Variants in PDE4D observed in about 807,000 individuals in gnomAD.
The protein encoded by PDE4D is 3',5'-cyclic-AMP phosphodiesterase 4D.
Under a neutral mutation model 87.4 loss-of-function variants are expected in PDE4D, and 24 were observed. The observed-to-expected ratio is 0.27, with a 90% CI of 0.20 to 0.39. The LOEUF is 0.39. Ranked by LOEUF, PDE4D falls within the 10% of genes least tolerant of loss-of-function variation. The pLI, the probability that PDE4D is intolerant of heterozygous loss-of-function variation, is 1.00. For missense variants in PDE4D, 714 were observed against 1,041.0 expected (o/e 0.69, Z 4.32); for synonymous variants, 384 against 383.2 (o/e 1.00, Z -0.02).
intron 1 of PDE4D, among the ~76,000 whole-genome samples, chr5:59,357,653 A>G (rs1445423744): frequency 6.6e-6 from 1 of 152,242 alleles, no homozygotes; most frequent in Non-Finnish European, 1.5e-5. Context: ...CTTAACTCTG[A>G]TAAATCTGTT....
intron 1 of PDE4D, among the ~76,000 whole-genome samples, chr5:59,294,690 C>T (rs903465811): frequency 6.6e-6 from 1 of 152,130 alleles, no homozygotes; most frequent in Non-Finnish European, 1.5e-5. Flanking sequence ...CACGCAGTCA[C>T]GGACTCAATA....
At chr5:59,096,133 G>T (rs1466494884) in intron 5 of PDE4D, among the ~76,000 whole-genome samples, 1 of 152,168 alleles carries the variant, frequency 6.6e-6, no homozygotes, top group Non-Finnish European at 1.5e-5. Context: ...TGAAAAGGAG[G>T]AGCTGGGGAA....
At chr5:60,265,696 C>G (rs1750131828) in intron 1 of PDE4D, among the ~76,000 whole-genome samples, 1 of 152,140 alleles carries the variant, frequency 6.6e-6, no homozygotes, top group South Asian at 2.1e-4. Context: ...TCCACTCCCA[C>G]TCTGTACCTG....
chr5:60,352,010 G>T (rs151186157), intron 1 of PDE4D, among the ~76,000 whole-genome samples: 112 of 146,018 alleles, frequency 7.7e-4, no homozygotes, highest in Admixed American at 1.6e-3. Flanking sequence ...TCTCTGTGTT[G>T]TCCAGGTTGG....
chr5:59,262,026 T>A (rs892224178), intron 1 of PDE4D, among the ~76,000 whole-genome samples: 1 of 151,910 alleles, frequency 6.6e-6, no homozygotes, highest in Non-Finnish European at 1.5e-5. Context: ...TACCACTGGA[T>A]TTCTGGAAGC....
intron 1 of PDE4D, among the ~76,000 whole-genome samples, chr5:59,857,029 G>C (rs1745543494): frequency 6.6e-6 from 1 of 152,004 alleles, no homozygotes; most frequent in Non-Finnish European, 1.5e-5. Context: ...CAAGAGTCCT[G>C]GTTGCCCAAA....
chr5:59,785,597 C>T (rs529809004), intron 1 of PDE4D, among the ~76,000 whole-genome samples: 2 of 152,298 alleles, frequency 1.3e-5, no homozygotes, highest in South Asian at 4.1e-4. Context: ...GAAGAGGATG[C>T]TATGTACATG....
chr5:59,783,629 T>A (rs968317971), intron 1 of PDE4D, among the ~76,000 whole-genome samples: 1 of 152,240 alleles, frequency 6.6e-6, no homozygotes, highest in South Asian at 2.1e-4. Flanking sequence ...AACATTTATT[T>A]CATTTGAAAG....
intron 1 of PDE4D, among the ~76,000 whole-genome samples, chr5:59,323,359 T>C (rs868553933): frequency 1.3e-5 from 2 of 152,138 alleles, no homozygotes; most frequent in Non-Finnish European, 2.9e-5. Context: ...TATTGTTCTA[T>C]ACCACTTATT....
At chr5:59,167,332 G>T (rs1034569581) in intron 5 of PDE4D, among the ~76,000 whole-genome samples, 3 of 151,974 alleles carry the variant, frequency 2.0e-5, no homozygotes, top group Admixed American at 6.6e-5. Context: ...TTCTATGGGA[G>T]GATAAAACCT....
chr5:59,683,991 AT>A (rs1309875194), intron 1 of PDE4D, among the ~76,000 whole-genome samples: 1 of 152,160 alleles, frequency 6.6e-6, no homozygotes, highest in East Asian at 1.9e-4. Flanking sequence ...AATTTTGCAG[AT>A]TTCTCTTTGA....
chr5:59,241,679 T>TTA (rs1057098257), intron 1 of PDE4D, among the ~76,000 whole-genome samples: 5 of 152,150 alleles, frequency 3.3e-5, no homozygotes, highest in African/African-American at 1.2e-4. Flanking sequence ...GGGGACTAAG[T>TTA]TATGTAGTTT....
intron 1 of PDE4D, among the ~76,000 whole-genome samples, chr5:60,300,533 G>A (rs1753801936): frequency 6.6e-6 from 1 of 152,018 alleles, no homozygotes; most frequent in Non-Finnish European, 1.5e-5. Context: ...ATGGTTTTGG[G>A]TTTTACATTT....
chr5:59,326,094 A>C (rs1775590657), intron 1 of PDE4D, among the ~76,000 whole-genome samples: 1 of 152,082 alleles, frequency 6.6e-6, no homozygotes, highest in African/African-American at 2.4e-5. Context: ...AGGAAGGGGA[A>C]CATCACACAC....
intron 1 of PDE4D, among the ~76,000 whole-genome samples, chr5:59,448,701 C>T (rs770899190): frequency 1.9e-4 from 29 of 152,294 alleles, no homozygotes; most frequent in African/African-American, 2.9e-4. Flanking sequence ...AGTGCAGTGG[C>T]ACAATCGCTG....
intron 1 of PDE4D, among the ~76,000 whole-genome samples, chr5:59,459,529 A>G (rs967656979): frequency 3.3e-5 from 5 of 152,218 alleles, no homozygotes; most frequent in Admixed American, 1.3e-4. Flanking sequence ...AATATTACCC[A>G]GGTGAAGCTA....
intron 5 of PDE4D, among the ~76,000 whole-genome samples, chr5:59,108,905 T>A (rs1580836277): frequency 6.1e-5 from 4 of 65,320 alleles, no homozygotes; most frequent in Admixed American, 1.5e-4. Flanking sequence ...AGATTCCTTC[T>A]CAAAAAAAAA....
At chr5:59,802,406 T>TC (rs1182907289) in intron 1 of PDE4D, among the ~76,000 whole-genome samples, 3 of 147,986 alleles carry the variant, frequency 2.0e-5, no homozygotes, top group Admixed American at 1.3e-4. Context: ...CTTTTTTTTT[T>TC]TTTTTTTTTT....
Position 60,208,536 on chromosome 5 carries a change from T to C in PDE4D, c.-89-22849A>G, listed in dbSNP as rs528799482. Among the ~76,000 whole-genome samples, 6 of 152,148 alleles carry C rather than the reference T, an allele frequency of 3.9e-5. No individual in the cohort carries two copies. The South Asian group carries it at 1.2e-3, about 32-fold the overall frequency. ...AAAGCCAAAGAGAATAGCAGGACAA[T>C]GGCTCCCCCTTAGAGGTGTCATGAA... On this transcript the variant is annotated intron_variant, in intron 1 of 16. Coordinates refer to the PDE4D transcript ENST00000502484.
Sources: allele counts gnomAD v4.1 joint callset (sites outside exome capture counted in the v4.1 genomes callset), GRCh38; gene constraint gnomAD v4.1.1; transcripts MANE v1.5; gene names NCBI Gene and HGNC (gene_info 2026-07-23, HGNC 2026-07-21).